The following XIST variants were observed in gnomAD, a reference collection of about 807,000 sequenced individuals.
The protein encoded by XIST is X inactive specific transcript.
rs183256903 is a variant in XIST at position 73,827,046 on chromosome X, T to A, written n.12855A>T. On this transcript the variant is annotated non_coding_transcript_exon_variant, in exon 6 of 6. Coordinates refer to ENST00000429829, the Ensembl canonical transcript of XIST. ...TCTATCTTGGAACATGGGCTTTCCATCTTAGTCCTCGGGTCTCAAGTCTCA... is the reference window on the plus strand; with the variant it reads ...TCTATCTTGGAACATGGGCTTTCCAACTTAGTCCTCGGGTCTCAAGTCTCA... 13 of 556,812 alleles carry A rather than the reference T, an allele frequency of 2.3e-5. No homozygotes were observed. In the Admixed American group the frequency reaches 2.9e-4, roughly 12 times the overall value. The allele number at this position is 556,812 out of a possible 1,213,427, so 45.9% of individuals were successfully genotyped here.
chrX:73,849,677 G>A (rs761566647), exon 1 of XIST: 12 of 558,220 alleles, frequency 2.1e-5, no homozygotes, highest in Non-Finnish European at 3.9e-5. Flanking sequence ...ACTGAAAATG[G>A]TCAAGGAGTC....
exon 1 of XIST, chrX:73,843,187 G>C (rs1290084474): frequency 1.8e-6 from 1 of 558,591 alleles, no homozygotes; most frequent in Admixed American, 2.2e-5. Flanking sequence ...GTAGTCAGCA[G>C]CCCCTGCAGT....
chrX:73,844,291 T>C, exon 1 of XIST: 2 of 558,953 alleles, frequency 3.6e-6, no homozygotes, highest in Non-Finnish European at 6.5e-6. Context: ...CCAAGGGACA[T>C]TGTTGTGGTC....
exon 1 of XIST, chrX:73,850,086 G>A (rs965147864): frequency 2.5e-5 from 14 of 557,082 alleles, no homozygotes; most frequent in Non-Finnish European, 4.2e-5. Context: ...CAGCATCAAG[G>A]ATGGGAACAA....
exon 6 of XIST, chrX:73,825,882 G>GA (rs775391701): frequency 7.2e-6 from 4 of 558,588 alleles, no homozygotes; most frequent in Admixed American, 4.4e-5. Flanking sequence ...TAAACAGGAA[G>GA]AAAAAAATCA....
At chrX:73,827,265 T>TAG (rs1922279535) in exon 6 of XIST, 1 of 556,116 alleles carries the variant, frequency 1.8e-6, no homozygotes, top group Admixed American at 2.2e-5. Flanking sequence ...AGGCAGGGGT[T>TAG]AGGAAGCCCC....
chrX:73,850,768 G>A (rs764629652), exon 1 of XIST: 5 of 315,594 alleles, frequency 1.6e-5, no homozygotes, highest in Non-Finnish European at 3.0e-5. Flanking sequence ...TGGGGGGTGG[G>A]GGGGGAGGTA....
exon 1 of XIST, chrX:73,849,147 T>C (rs1922849824): frequency 1.8e-6 from 1 of 559,382 alleles, no homozygotes; most frequent in Non-Finnish European, 3.2e-6. Context: ...GGGCGACTGG[T>C]AGTCTTCATG....
exon 6 of XIST, chrX:73,827,617 G>A (rs761563798): frequency 1.5e-5 from 8 of 546,838 alleles, no homozygotes; most frequent in East Asian, 9.9e-5. Context: ...AATTTAAAAC[G>A]AACGAGAAGG....
chrX:73,843,200 T>C (rs771472862), exon 1 of XIST: 9 of 556,415 alleles, frequency 1.6e-5, no homozygotes, highest in East Asian at 9.8e-5. Flanking sequence ...CCTGCAGTAA[T>C]GCAAAGGGGA....
rs969822559 is a variant in XIST, at chrX:73,831,214, T to C, written n.11604A>G. Reference sequence around the variant, plus strand: ...CTCATGCCCCATCTCCACCTAGGGATCGTCAAAGGGAATGGATCACTAACA... The same window carrying C: ...CTCATGCCCCATCTCCACCTAGGGACCGTCAAAGGGAATGGATCACTAACA... On this transcript the variant is annotated non_coding_transcript_exon_variant, in exon 4 of 6. Transcript: ENST00000429829. 9.1e-6 allele frequency: 5 copies of C among 551,639 alleles called. No individual in the cohort carries two copies. In the African/African-American group the frequency reaches 1.1e-4, roughly 12 times the overall value. The allele number at this position is 551,639 out of a possible 1,213,427, so 45.5% of individuals were successfully genotyped here.
At chrX:73,846,085 G>A (rs751764701) in exon 1 of XIST, 18 of 556,020 alleles carry the variant, frequency 3.2e-5, no homozygotes, top group African/African-American at 6.8e-5. Flanking sequence ...ACTCCCTGCC[G>A]GAAGGGAAAG....
chrX:73,821,149 A>G, exon 6 of XIST: 1 of 557,600 alleles, frequency 1.8e-6, no homozygotes, highest in Non-Finnish European at 3.2e-6. Context: ...TGAAAGGTAA[A>G]CATTAATATT....
Position 73,826,687 on chromosome X carries a change from C to T in XIST, n.13214G>A, listed in dbSNP as rs774159157. Reference sequence around the variant, plus strand: ...CCAGGTCTTCAAGCTTCTATCCTTCCTGGGTTCTGGGTCATGGGCCTCCAG... The same window carrying T: ...CCAGGTCTTCAAGCTTCTATCCTTCTTGGGTTCTGGGTCATGGGCCTCCAG... On this transcript the variant is annotated non_coding_transcript_exon_variant, in exon 6 of 6. Transcript: ENST00000429829. 1.6e-5 allele frequency: 9 copies of T among 559,016 alleles called. No individual in the cohort carries two copies. The South Asian group carries it at 2.0e-4, about 12-fold the overall frequency. The allele number at this position is 559,016 out of a possible 1,213,427, so 46.1% of individuals were successfully genotyped here.
At chrX:73,849,471 G>A (rs774518638) in exon 1 of XIST, 3 of 558,940 alleles carry the variant, frequency 5.4e-6, no homozygotes, top group East Asian at 3.2e-5. Flanking sequence ...TCAAAATTGG[G>A]ACTGTGACTA....
exon 1 of XIST, chrX:73,846,053 G>A (rs776485096): frequency 1.6e-5 from 9 of 555,395 alleles, no homozygotes; most frequent in African/African-American, 1.4e-4. Context: ...TTGTCCAAAC[G>A]TAAGCGTCTT....
At chrX:73,824,975 T>C in exon 6 of XIST, 1 of 519,906 alleles carries the variant, frequency 1.9e-6, no homozygotes, top group African/African-American at 2.3e-5. Context: ...TTAATATTCA[T>C]TCATCCATTC....
At chrX:73,848,944 A>G (rs1922843837) in exon 1 of XIST, 1 of 557,160 alleles carries the variant, frequency 1.8e-6, no homozygotes, top group East Asian at 3.2e-5. Context: ...AGAACCATGA[A>G]TAATTACTAT....
intron 2 of XIST, among the ~76,000 whole-genome samples, chrX:73,834,728 G>A (rs1309201849): frequency 9.0e-6 from 1 of 110,503 alleles, no homozygotes; most frequent in Admixed American, 9.6e-5. Flanking sequence ...GCTCATGCCT[G>A]TAATCCTAGC....
Sources: gnomAD v4.1 joint callset for allele counts (sites outside exome capture counted in the v4.1 genomes callset) on GRCh38, gnomAD v4.1.1 for gene constraint, MANE v1.5 for transcripts, NCBI Gene and HGNC (gene_info 2026-07-23, HGNC 2026-07-21) for gene names.